Variants in DCLK1 observed in about 807,000 individuals in gnomAD.
The protein encoded by DCLK1 is doublecortin like kinase 1, also known as serine/threonine-protein kinase DCLK1.
A neutral mutation model predicts 86.2 loss-of-function variants in DCLK1; 16 were observed. That is an observed-to-expected ratio of 0.19 (90% confidence interval 0.13 to 0.28). DCLK1 has a LOEUF of 0.28. DCLK1 is among the 10% of genes least tolerant of loss of function. DCLK1 has a pLI of 1.00. For missense variants in DCLK1, 590 were observed against 940.2 expected (o/e 0.63, Z 4.87); for synonymous variants, 369 against 370.5 (o/e 1.00, Z 0.05).
intron 5 of DCLK1, among the ~76,000 whole-genome samples, chr13:35,856,295 C>T (rs920066048): frequency 6.6e-6 from 1 of 152,160 alleles, no homozygotes; most frequent in African/African-American, 2.4e-5. Context: ...CATTAGACTT[C>T]CTCAGCCAGT....
At chr13:35,923,636 C>T (rs1433631442) in intron 4 of DCLK1, among the ~76,000 whole-genome samples, 2 of 152,028 alleles carry the variant, frequency 1.3e-5, no homozygotes, top group Non-Finnish European at 2.9e-5. Context: ...TGTCTGTGAG[C>T]AGAAAGTATG....
chr13:36,050,765 C>A (rs1245277123), intron 3 of DCLK1, among the ~76,000 whole-genome samples: 3 of 152,120 alleles, frequency 2.0e-5, no homozygotes, highest in Non-Finnish European at 2.9e-5. Flanking sequence ...TTGTGATTAA[C>A]CTGATTCAGT....
intron 3 of DCLK1, among the ~76,000 whole-genome samples, chr13:36,001,139 G>C (rs1025823497): frequency 3.3e-5 from 5 of 151,950 alleles, no homozygotes; most frequent in African/African-American, 1.2e-4. Flanking sequence ...GTAGAGATGG[G>C]GTTTCTACAT....
chr13:36,096,530 T>C (rs1885028465), intron 3 of DCLK1, among the ~76,000 whole-genome samples: 1 of 152,120 alleles, frequency 6.6e-6, no homozygotes. Flanking sequence ...AAATAGGTAA[T>C]CTTTTAAAAG....
At chr13:35,826,895 T>C (rs912794992) in intron 10 of DCLK1, among the ~76,000 whole-genome samples, 1 of 152,148 alleles carries the variant, frequency 6.6e-6, no homozygotes, top group African/African-American at 2.4e-5. Context: ...AGGTAGACAT[T>C]ACTTACACGT....
At position 35,871,251 on chromosome 13, in the gene DCLK1, T is replaced by C; in HGVS notation, c.913A>G (p.Ser305Gly). 1 of 1,613,782 alleles carries C rather than the reference T, an allele frequency of 6.2e-7. No homozygotes were observed. Among genetic ancestry groups the C allele is most frequent in the South Asian group, 1.1e-5 (1 of 91,018 alleles). Residue 305 changes from serine (S) to glycine (G), a missense_variant, in exon 5 of 17, where the codon AGC becomes GGC. This residue lies in a region of DCLK1 where 195 missense variants were observed against 365.1 expected (regional missense o/e 0.53). Coordinates refer to ENST00000360631, the MANE Select transcript of DCLK1 (RefSeq NM_001330071.2). ...GAGCTGGTGGAGGCAGGGGACTTGC[T>C]ACGCCTGGACGGTCCTGGGCTCTTG... Reference protein sequence around the residue: ...TTKSPGPSRRSKSPASTSSVN... With the variant: ...TTKSPGPSRRGKSPASTSSVN...
intron 3 of DCLK1, among the ~76,000 whole-genome samples, chr13:36,091,743 C>T (rs1884834950): frequency 1.3e-5 from 2 of 152,202 alleles, no homozygotes. Context: ...TTGAAGTTGA[C>T]AGTAAGAAGG....
intron 3 of DCLK1, among the ~76,000 whole-genome samples, chr13:35,972,093 C>G (rs948024439): frequency 6.6e-6 from 1 of 152,166 alleles, no homozygotes; most frequent in African/African-American, 2.4e-5. Context: ...CTATCCTTGT[C>G]CCACAGCTCA....
At chr13:35,937,803 G>A (rs1007950106) in intron 4 of DCLK1, among the ~76,000 whole-genome samples, 2 of 152,144 alleles carry the variant, frequency 1.3e-5, no homozygotes, top group African/African-American at 4.8e-5. Flanking sequence ...AAATGATCAG[G>A]TTGAAGAAGT....
intron 4 of DCLK1, among the ~76,000 whole-genome samples, chr13:35,919,768 C>T (rs1243390863): frequency 6.6e-6 from 1 of 151,620 alleles, no homozygotes; most frequent in Non-Finnish European, 1.5e-5. Flanking sequence ...TGAGATTAGC[C>T]TGGGCAACAC....
At chr13:35,982,169 G>A (rs957062624) in intron 3 of DCLK1, among the ~76,000 whole-genome samples, 9 of 147,936 alleles carry the variant, frequency 6.1e-5, no homozygotes, top group African/African-American at 2.2e-4. Context: ...CAGAAAGGAA[G>A]AGAGTTAAGG....
intron 3 of DCLK1, among the ~76,000 whole-genome samples, chr13:36,020,292 A>T (rs1489212189): frequency 6.6e-6 from 1 of 152,256 alleles, no homozygotes; most frequent in Non-Finnish European, 1.5e-5. Context: ...TAGCTTTCAT[A>T]AAGGATGAAC....
intron 3 of DCLK1, among the ~76,000 whole-genome samples, chr13:35,958,155 A>G (rs1006897400): frequency 1.7e-3 from 153 of 88,664 alleles, no homozygotes; most frequent in African/African-American, 5.4e-3. Flanking sequence ...CACCACCACT[A>G]TAACCATCAC....
At chr13:35,857,625 T>G in intron 5 of DCLK1, among the ~76,000 whole-genome samples, 1 of 152,264 alleles carries the variant, frequency 6.6e-6, no homozygotes, top group African/African-American at 2.4e-5. Context: ...GTTTAAATTC[T>G]TTTAAACTAA....
At chr13:36,041,027 A>G (rs532385195) in intron 3 of DCLK1, among the ~76,000 whole-genome samples, 1 of 152,240 alleles carries the variant, frequency 6.6e-6, no homozygotes, top group African/African-American at 2.4e-5. Context: ...GTCCTAGAAT[A>G]AGTCATTTTT....
chr13:35,990,683 C>A (rs1482141016), intron 3 of DCLK1, among the ~76,000 whole-genome samples: 1 of 152,088 alleles, frequency 6.6e-6, no homozygotes, highest in Non-Finnish European at 1.5e-5. Context: ...GTTGTCTACA[C>A]TCAGTGAACG....
intron 2 of DCLK1, among the ~76,000 whole-genome samples, chr13:36,119,896 T>G (rs1219249802): frequency 6.6e-6 from 1 of 152,210 alleles, no homozygotes; most frequent in Non-Finnish European, 1.5e-5. Context: ...TTCTTAGTTT[T>G]GTTCATTGCA....
chr13:35,859,507 C>T, intron 5 of DCLK1, among the ~76,000 whole-genome samples: 1 of 152,204 alleles, frequency 6.6e-6, no homozygotes, highest in East Asian at 1.9e-4. Context: ...TTCTATCCCT[C>T]CCGACGGTAC....
At chr13:36,110,792 T>C (rs1293070169) in intron 3 of DCLK1, among the ~76,000 whole-genome samples, 1 of 151,882 alleles carries the variant, frequency 6.6e-6, no homozygotes, top group Non-Finnish European at 1.5e-5. Flanking sequence ...TGGTAAACTC[T>C]GAATGACTAG....
Sources: allele counts gnomAD v4.1 joint callset (sites outside exome capture counted in the v4.1 genomes callset), GRCh38; gene constraint gnomAD v4.1.1; regional missense constraint gnomAD v4.1.1; transcripts MANE v1.5; gene names NCBI Gene and HGNC (gene_info 2026-07-23, HGNC 2026-07-21).